The following DPP10 variants were observed in gnomAD, a reference collection of about 807,000 sequenced individuals.
The protein encoded by DPP10 is dipeptidyl peptidase like 10.
In DPP10, 33 loss-of-function variants were observed where a neutral mutation model predicts 120.9. That is an observed-to-expected ratio of 0.27 (90% CI 0.21 to 0.37). The LOEUF (loss-of-function observed/expected upper bound fraction) is 0.37, where lower values mean the gene tolerates loss of function less well. DPP10 is among the 10% of genes least tolerant of loss of function. DPP10 has a pLI of 1.00. For synonymous variants in DPP10, 337 were observed against 326.1 expected, an observed-to-expected ratio of 1.03 and a Z score of -0.36; for missense variants, 816 against 942.8, an observed-to-expected ratio of 0.87 and a Z score of 1.76.
chr2:115,817,193 G>A (rs541529806), intron 21 of DPP10, among the ~76,000 whole-genome samples: 2 of 151,982 alleles, frequency 1.3e-5, no homozygotes, highest in East Asian at 2.0e-4. Context: ...TTTGAAGTGA[G>A]CCGAGATCGA....
At chr2:114,825,714 A>G (rs1686473032) in intron 1 of DPP10, among the ~76,000 whole-genome samples, 1 of 152,210 alleles carries the variant, frequency 6.6e-6, no homozygotes, top group Non-Finnish European at 1.5e-5. Flanking sequence ...ATGCAATTTA[A>G]TATTATTTAA....
intron 5 of DPP10, among the ~76,000 whole-genome samples, chr2:115,617,688 G>A (rs534999523): frequency 1.3e-5 from 2 of 152,078 alleles, no homozygotes; most frequent in Non-Finnish European, 2.9e-5. Context: ...GTGTGTAGGA[G>A]GCTAGACCAC....
At chr2:115,571,551 A>G (rs557771153) in intron 5 of DPP10, among the ~76,000 whole-genome samples, 1 of 152,270 alleles carries the variant, frequency 6.6e-6, no homozygotes, top group South Asian at 2.1e-4. Context: ...CAGAGATGCA[A>G]TGTGTAGAAA....
At chr2:114,545,611 T>G (rs543805688) in intron 1 of DPP10, among the ~76,000 whole-genome samples, 2 of 152,258 alleles carry the variant, frequency 1.3e-5, no homozygotes, top group Non-Finnish European at 2.9e-5. Flanking sequence ...CTGTGTGAAC[T>G]GTTAGCAGGT....
chr2:114,815,054 G>T (rs1483904145), intron 1 of DPP10, among the ~76,000 whole-genome samples: 1 of 152,182 alleles, frequency 6.6e-6, no homozygotes, highest in African/African-American at 2.4e-5. Context: ...CCACCCTTCT[G>T]CTCCCTCTCA....
chr2:115,572,610 A>G (rs748453545), intron 5 of DPP10, among the ~76,000 whole-genome samples: 12 of 152,324 alleles, frequency 7.9e-5, no homozygotes, highest in Non-Finnish European at 1.3e-4. Context: ...CTTAAAATGT[A>G]CATAGGACAG....
chr2:114,772,227 G>A (rs189581618), intron 1 of DPP10, among the ~76,000 whole-genome samples: 108 of 151,678 alleles, frequency 7.1e-4, no homozygotes, highest in African/African-American at 2.4e-3. Context: ...GCATAATCTC[G>A]GCTCACTGCA....
In DPP10 at chr2:115,563,786, A is replaced by T. The variant is rs2080832772; in HGVS notation, c.441+37814A>T. ...AAATAGCAAATATGTGGAAAACATA[A>T]CAAAATATCAAACACTTATATAGGT... On this transcript the variant is annotated intron_variant, in intron 5 of 25. Transcript: ENST00000410059. Among the ~76,000 whole-genome samples the T allele has an allele frequency of 2.6e-5, 4 of 152,240 alleles. 1 individual carries two copies. The highest frequency in any genetic ancestry group is 2.6e-4 in the Admixed American group (4 of 15,286).
chr2:115,734,165 A>G (rs1483425327), intron 8 of DPP10, among the ~76,000 whole-genome samples: 1 of 152,212 alleles, frequency 6.6e-6, no homozygotes, highest in East Asian at 1.9e-4. Flanking sequence ...CATTAATCAT[A>G]TGTCACTCTA....
chr2:115,822,588 A>T (rs192534837), intron 21 of DPP10, among the ~76,000 whole-genome samples: 2 of 152,008 alleles, frequency 1.3e-5, no homozygotes, highest in Admixed American at 6.6e-5. Context: ...CATATTTTTA[A>T]AAGATAATTT....
intron 1 of DPP10, among the ~76,000 whole-genome samples, chr2:115,303,259 G>A (rs1469417363): frequency 6.6e-6 from 1 of 151,574 alleles, no homozygotes; most frequent in Non-Finnish European, 1.5e-5. Flanking sequence ...TTTAAATAGT[G>A]CAAAAGTTAT....
chr2:115,143,003 T>C (rs1408622701), intron 1 of DPP10, among the ~76,000 whole-genome samples: 1 of 152,158 alleles, frequency 6.6e-6, no homozygotes, highest in East Asian at 1.9e-4. Context: ...GCAAGGCTCT[T>C]GACTGAAATT....
chr2:114,925,795 T>C (rs551970013), intron 1 of DPP10, among the ~76,000 whole-genome samples: 20 of 152,184 alleles, frequency 1.3e-4, no homozygotes, highest in Admixed American at 5.9e-4. Flanking sequence ...TAAATATCTG[T>C]TTGGAAGAAG....
chr2:114,838,148 T>C (rs182820158), intron 1 of DPP10, among the ~76,000 whole-genome samples: 1 of 152,228 alleles, frequency 6.6e-6, no homozygotes, highest in Non-Finnish European at 1.5e-5. Context: ...TGTGGCCATA[T>C]CACCTCCACT....
At position 115,515,398 on chromosome 2, in the gene DPP10, TGATAAAA is replaced by T. The variant is rs546053003; in HGVS notation, c.367-10495_367-10489del. On this transcript the variant is annotated intron_variant, in intron 4 of 25. Transcript: ENST00000410059. ...ACCTTTTAGTTATTTTCAATTTGGC[TGATAAAA>T]GATAGAATTTAATCCTTATGTTGAT... Among the ~76,000 whole-genome samples, 1,125 of 152,220 alleles carry T rather than the reference TGATAAAA, an allele frequency of 7.4e-3. 6 individuals are homozygous for T. The highest frequency in any genetic ancestry group is 0.025 in the African/African-American group (1,030 of 41,566).
chr2:114,731,978 A>G (rs1462181058), intron 1 of DPP10, among the ~76,000 whole-genome samples: 2 of 152,148 alleles, frequency 1.3e-5, no homozygotes, highest in Admixed American at 6.5e-5. Flanking sequence ...ATGAAAGTGG[A>G]TACTAGGAGG....
At chr2:115,597,331 G>C (rs143596672) in intron 5 of DPP10, among the ~76,000 whole-genome samples, 2 of 152,044 alleles carry the variant, frequency 1.3e-5, no homozygotes, top group Non-Finnish European at 2.9e-5. Context: ...AAAGAGATCA[G>C]GTAAGGCAAT....
chr2:114,643,696 T>C (rs1235225676), intron 1 of DPP10, among the ~76,000 whole-genome samples: 2 of 151,826 alleles, frequency 1.3e-5, no homozygotes, highest in East Asian at 3.9e-4. Context: ...AATGCACTTC[T>C]AAATACTAGG....
intron 17 of DPP10, among the ~76,000 whole-genome samples, chr2:115,788,922 T>A (rs947866424): frequency 1.1e-4 from 17 of 152,036 alleles, no homozygotes; most frequent in African/African-American, 3.9e-4. Context: ...ATCGAGACCA[T>A]CCTGGCTAAC....
Sources: gnomAD v4.1 joint callset for allele counts (sites outside exome capture counted in the v4.1 genomes callset) on GRCh38, gnomAD v4.1.1 for gene constraint, MANE v1.5 for transcripts, NCBI Gene and HGNC (gene_info 2026-07-23, HGNC 2026-07-21) for gene names.